CSMD3: variants seen among roughly 807,000 people sequenced by gnomAD.
CSMD3 encodes CUB and sushi domain-containing protein 3.
CSMD3 carries 177 observed loss-of-function variants against 435.2 expected under a neutral mutation model. The ratio of observed to expected loss-of-function variants is 0.41; its 90% CI spans 0.36 to 0.46. The LOEUF (loss-of-function observed/expected upper bound fraction) is 0.46. Among genes scored for constraint, CSMD3 ranks in the 20% least tolerant of loss-of-function variants. CSMD3 has a pLI of 0.34. For synonymous variants in CSMD3, 1,656 were observed against 1,520.5 expected (o/e 1.09, Z -2.07); for missense variants, 4,265 against 4,504.6 (o/e 0.95, Z 1.52).
intron 31 of CSMD3, among the ~76,000 whole-genome samples, chr8:112,474,200 A>T (rs1689630042): frequency 6.6e-6 from 1 of 152,132 alleles, no homozygotes; most frequent in African/African-American, 2.4e-5. Flanking sequence ...ACAAAACAAA[A>T]ACTACAGAAG....
intron 20 of CSMD3, among the ~76,000 whole-genome samples, chr8:112,641,172 G>A (rs2074814644): frequency 6.6e-6 from 1 of 152,098 alleles, no homozygotes; most frequent in South Asian, 2.1e-4. Flanking sequence ...GAGAGCTAAT[G>A]TTTTTCCTGT....
chr8:113,157,165 A>C (rs1019841108), intron 4 of CSMD3, among the ~76,000 whole-genome samples: 1 of 152,144 alleles, frequency 6.6e-6, no homozygotes, highest in Admixed American at 6.6e-5. Context: ...TTCTTCAAAA[A>C]ATTAAACATA....
At chr8:113,195,120 A>G (rs1364749443) in intron 3 of CSMD3, among the ~76,000 whole-genome samples, 1 of 151,056 alleles carries the variant, frequency 6.6e-6, no homozygotes, top group Non-Finnish European at 1.5e-5. Context: ...TTTATATTAT[A>G]TCTGCAAAAG....
At chr8:113,017,444 ATT>A (rs5894123) in intron 6 of CSMD3, among the ~76,000 whole-genome samples, 3 of 151,666 alleles carry the variant, frequency 2.0e-5, no homozygotes, top group Admixed American at 2.0e-4. Context: ...TAGGAGATCT[ATT>A]TTTTTGCTCC....
intron 24 of CSMD3, among the ~76,000 whole-genome samples, chr8:112,560,419 C>T (rs900123645): frequency 1.3e-5 from 2 of 151,662 alleles, no homozygotes; most frequent in African/African-American, 4.8e-5. Context: ...AGGCTAGATG[C>T]TCAGTAATGC....
At chr8:112,745,833 G>A (rs2077413330) in intron 13 of CSMD3, among the ~76,000 whole-genome samples, 1 of 151,958 alleles carries the variant, frequency 6.6e-6, no homozygotes, top group Non-Finnish European at 1.5e-5. Context: ...TACTTTAAAT[G>A]TCTAACATAA....
chr8:112,350,315 T>C (rs1279227137), intron 40 of CSMD3, among the ~76,000 whole-genome samples: 1 of 143,940 alleles, frequency 6.9e-6, no homozygotes, highest in South Asian at 2.3e-4. Context: ...TTTCTCCAAC[T>C]CAGAAAGAGA....
At chr8:113,190,253 A>G (rs2131977187) in intron 3 of CSMD3, among the ~76,000 whole-genome samples, 1 of 152,010 alleles carries the variant, frequency 6.6e-6, no homozygotes, top group African/African-American at 2.4e-5. Flanking sequence ...CCTGTGAGGT[A>G]AACTTGTGAG....
At chr8:112,711,073 C>G (rs1587039802) in intron 13 of CSMD3, among the ~76,000 whole-genome samples, 1 of 151,954 alleles carries the variant, frequency 6.6e-6, no homozygotes, top group East Asian at 1.9e-4. Context: ...ATAAATATTT[C>G]TTATTTTATA....
In CSMD3 at chr8:112,937,894, C is replaced by T. The variant is rs527336732; in HGVS notation, c.1508+9896G>A. 2.0e-4 allele frequency among the ~76,000 whole-genome samples: 30 copies of T among 152,162 alleles called. No homozygotes were observed. In the South Asian group the frequency reaches 4.2e-3, roughly 21 times the overall value. On this transcript the variant is annotated intron_variant, in intron 9 of 70. Coordinates refer to ENST00000297405, the MANE Select transcript of CSMD3 (RefSeq NM_198123.2). Reference sequence around the variant, plus strand: ...GAGATTGATGATTAAAAAAAGATAGCATCAGCATTCAAAAATAGAATAAAT... The same window carrying T: ...GAGATTGATGATTAAAAAAAGATAGTATCAGCATTCAAAAATAGAATAAAT...
intron 3 of CSMD3, among the ~76,000 whole-genome samples, chr8:113,218,453 C>A (rs1378352690): frequency 3.7e-5 from 5 of 134,700 alleles, no homozygotes; most frequent in Admixed American, 7.4e-5. Flanking sequence ...TTTAAAAAAT[C>A]AGTAAAGTGC....
At chr8:112,862,439 G>A (rs550975237) in intron 10 of CSMD3, among the ~76,000 whole-genome samples, 7 of 152,024 alleles carry the variant, frequency 4.6e-5, no homozygotes, top group African/African-American at 1.2e-4. Context: ...ACTACTGGAC[G>A]TTTTTGACAG....
intron 13 of CSMD3, among the ~76,000 whole-genome samples, chr8:112,718,519 A>T (rs201633251): frequency 6.8e-6 from 1 of 146,788 alleles, no homozygotes; most frequent in African/African-American, 2.5e-5. Context: ...ATATATGTAT[A>T]TATATATATA....
chr8:112,964,332 T>C (rs1451053596), intron 7 of CSMD3, among the ~76,000 whole-genome samples: 1 of 151,932 alleles, frequency 6.6e-6, no homozygotes, highest in Non-Finnish European at 1.5e-5. Flanking sequence ...TATCCTATCC[T>C]AATTTATTAA....
chr8:113,302,343 AT>A (rs1387015426), intron 2 of CSMD3, among the ~76,000 whole-genome samples: 2 of 135,326 alleles, frequency 1.5e-5, no homozygotes, highest in East Asian at 2.4e-4. Context: ...ATAATAAAAA[AT>A]ATTAGGAAGA....
At chr8:112,248,305 T>C (rs1814946619) in intron 63 of CSMD3, among the ~76,000 whole-genome samples, 1 of 152,112 alleles carries the variant, frequency 6.6e-6, no homozygotes, top group Admixed American at 6.6e-5. Flanking sequence ...TAAGAATTAG[T>C]TTCCGAAGGG....
intron 13 of CSMD3, among the ~76,000 whole-genome samples, chr8:112,719,394 C>T (rs1389828030): frequency 1.3e-5 from 2 of 152,152 alleles, no homozygotes; most frequent in African/African-American, 4.8e-5. Flanking sequence ...GTGGCTTAAA[C>T]TTAAGACTTG....
At chr8:112,440,304 C>T (rs76051472) in intron 32 of CSMD3, among the ~76,000 whole-genome samples, 2,669 of 152,286 alleles carry the variant, frequency 0.018, 81 homozygotes, top group African/African-American at 0.061. Context: ...CCATGTCTCA[C>T]ATCCAGGTTA....
At chr8:112,239,337 C>T (rs573823675) in intron 66 of CSMD3, among the ~76,000 whole-genome samples, 1 of 152,154 alleles carries the variant, frequency 6.6e-6, no homozygotes, top group South Asian at 2.1e-4. Context: ...ATCTTTACTA[C>T]AATGTTGAAT....
Sources: gnomAD v4.1 joint callset for allele counts (sites outside exome capture counted in the v4.1 genomes callset) on GRCh38, gnomAD v4.1.1 for gene constraint, MANE v1.5 for transcripts, NCBI Gene and HGNC (gene_info 2026-07-23, HGNC 2026-07-21) for gene names.